Variants in KCNH1 observed in about 807,000 individuals in gnomAD.
KCNH1 encodes voltage-gated delayed rectifier potassium channel KCNH1.
Under a neutral mutation model 69.2 loss-of-function variants are expected in KCNH1, and 27 were observed. The observed-to-expected ratio is 0.39, with a 90% CI of 0.29 to 0.54. The LOEUF is 0.54. Among genes scored for constraint, KCNH1 ranks in the 20% least tolerant of loss-of-function variants. KCNH1 has a pLI of 0.68. For synonymous variants in KCNH1, 456 were observed against 487.7 expected (o/e 0.93, Z 0.86); for missense variants, 798 against 1,261.6 (o/e 0.63, Z 5.57).
chr1:211,019,489 C>T (rs1298959258), intron 5 of KCNH1, among the ~76,000 whole-genome samples: 3 of 152,338 alleles, frequency 2.0e-5, no homozygotes, highest in Non-Finnish European at 2.9e-5. Flanking sequence ...GTACTAAGCA[C>T]TTTACACACA....
chr1:210,887,420 G>A (rs569051776), intron 7 of KCNH1, among the ~76,000 whole-genome samples: 14 of 152,194 alleles, frequency 9.2e-5, no homozygotes, highest in East Asian at 1.9e-4. Flanking sequence ...AGGAACAACC[G>A]GGACCAGCCA....
intron 7 of KCNH1, among the ~76,000 whole-genome samples, chr1:210,807,442 T>TA (rs1384137540): frequency 6.6e-6 from 1 of 151,810 alleles, no homozygotes; most frequent in East Asian, 1.9e-4. Context: ...CTGTCTCTAC[T>TA]AAAAAAACAA....
chr1:211,106,496 T>G (rs1239803743), intron 2 of KCNH1, among the ~76,000 whole-genome samples: 1 of 152,130 alleles, frequency 6.6e-6, no homozygotes, highest in Non-Finnish European at 1.5e-5. Flanking sequence ...TAAAAAACTT[T>G]GGCTGAGGCC....
intron 6 of KCNH1, among the ~76,000 whole-genome samples, chr1:210,983,243 T>G (rs927497666): frequency 2.6e-5 from 4 of 152,250 alleles, no homozygotes; most frequent in African/African-American, 9.6e-5. Context: ...TGATGGTAGT[T>G]TCTTTTGCTG....
intron 1 of KCNH1, among the ~76,000 whole-genome samples, chr1:211,126,751 A>G (rs1048671738): frequency 1.4e-4 from 21 of 151,652 alleles, no homozygotes; most frequent in Non-Finnish European, 2.1e-4. Context: ...GGCAAATTCC[A>G]GTATCTAGGA....
At chr1:210,766,210 A>G (rs867927754) in intron 10 of KCNH1, among the ~76,000 whole-genome samples, 2 of 152,052 alleles carry the variant, frequency 1.3e-5, no homozygotes, top group South Asian at 2.1e-4. Context: ...CTTTGTACCA[A>G]GCTCTAAAAA....
chr1:211,065,611 T>C (rs1317251907), intron 5 of KCNH1, among the ~76,000 whole-genome samples: 2 of 152,074 alleles, frequency 1.3e-5, no homozygotes, highest in Non-Finnish European at 2.9e-5. Context: ...TCCTTAAAAA[T>C]TGCTGAGAGT....
intron 9 of KCNH1, among the ~76,000 whole-genome samples, chr1:210,789,274 A>G (rs559421047): frequency 6.6e-6 from 1 of 152,334 alleles, no homozygotes; most frequent in African/African-American, 2.4e-5. Flanking sequence ...AATCTTGGGA[A>G]GCATCTCTGT....
chr1:210,746,078 A>G (rs889612404), intron 10 of KCNH1, among the ~76,000 whole-genome samples: 2 of 152,128 alleles, frequency 1.3e-5, no homozygotes, highest in Admixed American at 6.5e-5. Flanking sequence ...CCTGGGATCT[A>G]GTTGATCCTG....
At chr1:210,810,110 A>G (rs983081482) in intron 7 of KCNH1, among the ~76,000 whole-genome samples, 4 of 152,026 alleles carry the variant, frequency 2.6e-5, no homozygotes, top group African/African-American at 4.8e-5. Context: ...TAGCTTTCTG[A>G]AAAAAAGGAT....
chr1:211,094,039 C>T (rs558839973), intron 3 of KCNH1, among the ~76,000 whole-genome samples: 1 of 152,310 alleles, frequency 6.6e-6, no homozygotes, highest in East Asian at 1.9e-4. Context: ...CCAGCATCAG[C>T]TTTATTAGTC....
intron 10 of KCNH1, among the ~76,000 whole-genome samples, chr1:210,693,346 C>G (rs1558425794): frequency 6.6e-6 from 1 of 152,206 alleles, no homozygotes; most frequent in Non-Finnish European, 1.5e-5. Flanking sequence ...CCCTCAAACT[C>G]TACTGTCCTA....
At position 210,684,146 on chromosome 1, in the gene KCNH1, G is replaced by A. The variant is rs535365608; in HGVS notation, c.2113-8C>T. On this transcript the variant is annotated splice_region_variant and splice_polypyrimidine_tract_variant and intron_variant, in intron 10 of 10. Coordinates refer to ENST00000271751, the MANE Select transcript of KCNH1 (RefSeq NM_172362.3). ...GATCTTCCGGAACACAATCTGGAGA[G>A]AGAGAGAGAGAGAATGACATGGCGT... 3.3e-6 allele frequency: 5 copies of A among 1,499,704 alleles called. No homozygotes were observed. Among genetic ancestry groups the A allele is most frequent in the African/African-American group, 2.8e-5 (2 of 71,584 alleles). The allele number at this position is 1,499,704 out of a possible 1,614,324, so 92.9% of individuals were successfully genotyped here. A position where few individuals can be genotyped will look rare whatever the true frequency, so the allele number is the denominator to read the frequency against.
chr1:210,763,397 T>G (rs976358784), intron 10 of KCNH1, among the ~76,000 whole-genome samples: 2 of 151,938 alleles, frequency 1.3e-5, no homozygotes, highest in Non-Finnish European at 2.9e-5. Flanking sequence ...GAGAAAGAAA[T>G]AAAGGGCATC....
chr1:210,818,253 G>A (rs1194882023), intron 7 of KCNH1, among the ~76,000 whole-genome samples: 1 of 151,976 alleles, frequency 6.6e-6, no homozygotes, highest in Non-Finnish European at 1.5e-5. Context: ...CATCTTCTTG[G>A]TGCTAGAAAG....
chr1:211,017,121 T>G (rs1267290626), intron 6 of KCNH1, among the ~76,000 whole-genome samples: 1 of 152,044 alleles, frequency 6.6e-6, no homozygotes, highest in Non-Finnish European at 1.5e-5. Flanking sequence ...TTGTTCTGAA[T>G]CTAGAGCATC....
chr1:211,078,204 G>T (rs1352182448), intron 5 of KCNH1, among the ~76,000 whole-genome samples: 1 of 152,190 alleles, frequency 6.6e-6, no homozygotes, highest in Admixed American at 6.5e-5. Context: ...ATATTAGACA[G>T]ATCAATGAGA....
rs1416149979 is a variant in KCNH1, at chr1:210,682,392, G to A, written c.*889C>T. ...CTCTGGGCTCATGACCCTTCCTGCCGATGCTCCATACCCTGAGGAATGCCA... is the reference window on the plus strand; with the variant it reads ...CTCTGGGCTCATGACCCTTCCTGCCAATGCTCCATACCCTGAGGAATGCCA... On this transcript the variant is annotated 3_prime_UTR_variant, in exon 11 of 11. Coordinates refer to ENST00000271751, the MANE Select transcript of KCNH1 (RefSeq NM_172362.3). 2.0e-5 allele frequency: 3 copies of A among 152,202 alleles called. No homozygotes were observed. Among genetic ancestry groups the A allele is most frequent in the Non-Finnish European group, 2.9e-5 (2 of 68,098 alleles). 9.4% of individuals were successfully genotyped at this position (152,202 alleles called of 1,614,324 possible).
Position 210,996,869 on chromosome 1 carries a change from C to T in KCNH1, c.1032+21914G>A, listed in dbSNP as rs574867905. ...AGCCACCGCTGTTCTACAGCCACCG[C>T]TGTTCTGCAGCCACCGCTGCTGATA... On this transcript the variant is annotated intron_variant, in intron 6 of 10. Coordinates refer to ENST00000271751, the MANE Select transcript of KCNH1 (RefSeq NM_172362.3). 3.3e-5 allele frequency among the ~76,000 whole-genome samples: 5 copies of T among 152,322 alleles called. No homozygotes were observed. The South Asian group carries it at 1.0e-3, about 32-fold the overall frequency.
Sources: gnomAD v4.1 joint callset for allele counts (sites outside exome capture counted in the v4.1 genomes callset) on GRCh38, gnomAD v4.1.1 for gene constraint, MANE v1.5 for transcripts, NCBI Gene and HGNC (gene_info 2026-07-23, HGNC 2026-07-21) for gene names.